Variants in DRC8 observed in about 807,000 individuals in gnomAD.
DRC8 encodes dynein regulatory complex subunit 8.
At chr1:245,053,854 A>G in the DRC8 span, among the ~76,000 whole-genome samples, 4 of 151,902 alleles carry the variant, frequency 2.6e-5, no homozygotes, top group Non-Finnish European at 5.9e-5. Context: ...TTCCTATGAT[A>G]GGGAAGAACT....
At chr1:244,980,607 T>C in the DRC8 span, among the ~76,000 whole-genome samples, 29 of 152,250 alleles carry the variant, frequency 1.9e-4, no homozygotes, top group South Asian at 6.2e-4. Context: ...CAGATATGAA[T>C]ATTGAGTCAG....
chr1:245,038,821 TCAAAA>T, the DRC8 span, among the ~76,000 whole-genome samples: 7 of 151,520 alleles, frequency 4.6e-5, no homozygotes, highest in South Asian at 2.1e-4. Flanking sequence ...GAAAAATAAC[TCAAAA>T]CAAAAGCCAG....
At chr1:245,055,900 C>T in the DRC8 span, among the ~76,000 whole-genome samples, 1 of 151,910 alleles carries the variant, frequency 6.6e-6, no homozygotes, top group Non-Finnish European at 1.5e-5. Flanking sequence ...TGTTTTATTA[C>T]GAAATGTTTT....
chr1:245,042,577 T>G, the DRC8 span, among the ~76,000 whole-genome samples: 2 of 152,250 alleles, frequency 1.3e-5, no homozygotes, highest in African/African-American at 4.8e-5. Context: ...CTGTAAACGA[T>G]ACCAGCACAT....
the DRC8 span, among the ~76,000 whole-genome samples, chr1:244,975,997 G>C: frequency 3.3e-5 from 5 of 152,198 alleles, 1 homozygote; most frequent in South Asian, 1.0e-3. Context: ...GGCCAGGCGT[G>C]GTGGCTCCTG....
At chr1:244,981,015 T>A in the DRC8 span, among the ~76,000 whole-genome samples, 1 of 152,120 alleles carries the variant, frequency 6.6e-6, no homozygotes, top group Non-Finnish European at 1.5e-5. Flanking sequence ...AAACCCCCTC[T>A]CTACCCAAAA....
the DRC8 span, among the ~76,000 whole-genome samples, chr1:245,077,632 G>C: frequency 6.6e-6 from 1 of 152,174 alleles, no homozygotes; most frequent in African/African-American, 2.4e-5. Context: ...GGAAAGGATA[G>C]TGTCTTCAAT....
the DRC8 span, among the ~76,000 whole-genome samples, chr1:245,075,119 TTTA>T: frequency 6.6e-6 from 1 of 152,166 alleles, no homozygotes; most frequent in Non-Finnish European, 1.5e-5. Flanking sequence ...CACGGTGTGT[TTTA>T]TTGTGCCTAT....
chr1:245,075,919 A>AG, the DRC8 span, among the ~76,000 whole-genome samples: 3 of 152,204 alleles, frequency 2.0e-5, no homozygotes, highest in Admixed American at 1.3e-4. Context: ...TTCAGTCCAA[A>AG]GAGGCCATGT....
the DRC8 span, chr1:245,091,353 T>C: frequency 6.6e-6 from 1 of 152,342 alleles, no homozygotes; most frequent in Non-Finnish European, 1.5e-5. Context: ...GCCCAGTGCG[T>C]CGACCCAGGC....
the DRC8 span, among the ~76,000 whole-genome samples, chr1:245,088,840 T>C: frequency 1.3e-5 from 2 of 152,116 alleles, no homozygotes; most frequent in Admixed American, 1.3e-4. This position sits in a 1 kb window ranked among gnomAD's most constrained non-coding sequence, Gnocchi z 4.6. Context: ...TCATGAAACA[T>C]GGAACCACCT....
chr1:245,022,182 A>G, the DRC8 span, among the ~76,000 whole-genome samples: 1 of 148,018 alleles, frequency 6.8e-6, no homozygotes. Flanking sequence ...GTCTCACTCT[A>G]TTGCCCAGGC....
At chr1:245,011,118 G>A in the DRC8 span, among the ~76,000 whole-genome samples, 1 of 152,072 alleles carries the variant, frequency 6.6e-6, no homozygotes, top group Non-Finnish European at 1.5e-5. Context: ...ACTCATTTAT[G>A]TTTCATATAA....
chr1:245,117,828 G>T, the DRC8 span, among the ~76,000 whole-genome samples: 3 of 152,140 alleles, frequency 2.0e-5, no homozygotes, highest in Non-Finnish European at 2.9e-5. Flanking sequence ...AATTAGCTGA[G>T]TGTGGTGGTG....
At chr1:245,072,325 C>T in the DRC8 span, among the ~76,000 whole-genome samples, 2 of 152,122 alleles carry the variant, frequency 1.3e-5, no homozygotes, top group Non-Finnish European at 1.5e-5. Context: ...CTCACTCTGT[C>T]ACCCAGGCTG....
the DRC8 span, among the ~76,000 whole-genome samples, chr1:245,027,123 C>A: frequency 1.3e-5 from 2 of 152,150 alleles, no homozygotes; most frequent in Admixed American, 6.5e-5. Context: ...TATCTCTTTA[C>A]CATCTCACTT....
At chr1:245,099,337 T>C in the DRC8 span, among the ~76,000 whole-genome samples, 1 of 152,186 alleles carries the variant, frequency 6.6e-6, no homozygotes, top group African/African-American at 2.4e-5. Context: ...ACATGACGTT[T>C]GGCAAAAGCC....
chr1:244,993,850 G>T, the DRC8 span, among the ~76,000 whole-genome samples: 2 of 152,140 alleles, frequency 1.3e-5, no homozygotes, highest in African/African-American at 4.8e-5. Flanking sequence ...CATTCATGAG[G>T]GCAGAGCCCT....
At chr1:245,061,655 A>G in the DRC8 span, among the ~76,000 whole-genome samples, 9 of 152,376 alleles carry the variant, frequency 5.9e-5, no homozygotes, top group South Asian at 1.9e-3. Context: ...GTATTTGTAC[A>G]TATTTAAATA....
Sources: allele counts gnomAD v4.1 joint callset (sites outside exome capture counted in the v4.1 genomes callset), GRCh38; gene constraint gnomAD v4.1.1; non-coding constraint Gnocchi (gnomAD v3.1); transcripts MANE v1.5; gene names NCBI Gene and HGNC (gene_info 2026-07-23, HGNC 2026-07-21).